PKD1: variants seen among roughly 807,000 people sequenced by gnomAD.
PKD1 encodes the protein polycystin-1.
A neutral mutation model predicts 361.7 loss-of-function variants in PKD1; 81 were observed. The ratio of observed to expected loss-of-function variants is 0.22; its 90% confidence interval spans 0.19 to 0.27. The LOEUF (loss-of-function observed/expected upper bound fraction) is 0.27. PKD1 is among the 10% of genes least tolerant of loss of function. PKD1 has a pLI of 1.00. For missense variants in PKD1, 6,399 were observed against 6,118.3 expected (o/e 1.05, Z -1.53); for synonymous variants, 3,615 against 2,818.3 (o/e 1.28, Z -8.95).
In PKD1 at chr16:2,109,030, A is replaced by C. The variant is rs1168430714; in HGVS notation, c.6137T>G (p.Leu2046Arg). Residue 2046 changes from leucine (L) to arginine (R), a missense_variant, in exon 15 of 46, where the codon CTG (leucine) becomes CGG (arginine). Physicochemically the swap from Leu to Arg is moderately radical, Grantham distance 102. Coordinates refer to ENST00000262304, the MANE Select transcript of PKD1 (RefSeq NM_001009944.3). ...CACCAGCGTGCGGTTCTCACTGCCC[A>C]GGGCGTTGAAGGCGCGCACCTGGAT... ...LEIQVRAFNA[L>R]GSENRTLVLE... The C allele has an allele frequency of 2.5e-6, 4 of 1,608,876 alleles. No homozygotes were observed. Among genetic ancestry groups the C allele is most frequent in the South Asian group, 1.1e-5 (1 of 91,004 alleles).
At position 2,091,110 on chromosome 16, in the gene PKD1, C is replaced by T. The variant is rs1477132304; in HGVS notation, c.11777G>A (p.Gly3926Glu). Residue 3926 changes from glycine to glutamate, a missense_variant, in exon 43 of 46, where the codon GGG becomes GAG. Physicochemically the swap from Gly to Glu is moderately conservative, Grantham distance 98 (BLOSUM62 -2). Transcript: ENST00000262304. ...TCCGAGCCGCAGCACGCGCCAGCGC[C>T]CTTCCCTGTGCCAAGTACGGGCCTC... ...VAEARTWHREGRWRVLRLGAW... is the reference protein window; with the variant it reads ...VAEARTWHREERWRVLRLGAW... The T allele has an allele frequency of 6.7e-7, 1 of 1,494,752 alleles. No individual in the cohort carries two copies. The allele number at this position is 1,494,752 out of a possible 1,614,324, so 92.6% of individuals were successfully genotyped here. A position where few individuals can be genotyped will look rare whatever the true frequency, so the allele number is the denominator to read the frequency against.
chr16:2,103,184 C>T, intron 23 of PKD1, 82 bp downstream of exon 23: 1 of 1,435,098 alleles, frequency 7.0e-7, no homozygotes, highest in Non-Finnish European at 9.6e-7. Flanking sequence ...TCACCAGAGA[C>T]ACCCATGGAA....
rs561467860 is a variant in PKD1, at chr16:2,116,882, G to A, written c.1557C>T (p.Thr519=). ...VRLGPTGWCN[T]DLCSAPHSYV... is the part of the protein sequence containing the mutation. ...AGCTGTGCGGCGCTGAGCACAGGTC[G>A]GTGTTACACCACCCGGTGGGCCCGA... The change falls in exon 7 of 46, where the codon ACC becomes ACT. Residue 519 remains threonine (T), a synonymous_variant. Coordinates refer to ENST00000262304, the MANE Select transcript of PKD1 (RefSeq NM_001009944.3). 176 of 1,531,962 alleles carry A rather than the reference G, an allele frequency of 1.1e-4. No individual in the cohort carries two copies. The Middle Eastern group carries it at 2.5e-3, about 22-fold the overall frequency. 94.9% of individuals were successfully genotyped at this position (1,531,962 alleles called of 1,614,324 possible). A position where few individuals can be genotyped will look rare whatever the true frequency, so the allele number is the denominator to read the frequency against.
chr16:2,115,910 G>C, intron 9 of PKD1, 82 bp downstream of exon 9: 1 of 1,461,474 alleles, frequency 6.8e-7, no homozygotes, highest in Non-Finnish European at 9.4e-7. Context: ...GTGGCCACAG[G>C]ACCAGCAGAC....
At chr16:2,114,974 G>T (rs979458963) in intron 10 of PKD1, 49 bp from the exon 11 acceptor site, 3 of 1,522,388 alleles carry the variant, frequency 2.0e-6, no homozygotes, top group Non-Finnish European at 2.6e-6. Flanking sequence ...GTCATGGCCC[G>T]TGGACCCCCG....
chr16:2,115,864 C>T, intron 9 of PKD1, 128 bp downstream of exon 9: 2 of 1,148,604 alleles, frequency 1.7e-6, no homozygotes, highest in South Asian at 1.4e-5. Context: ...TCTCTGGAAC[C>T]CCTGCTCTGT....
chr16:2,122,180 C>T (rs1023343689), intron 1 of PKD1, among the ~76,000 whole-genome samples: 4 of 152,246 alleles, frequency 2.6e-5, no homozygotes, highest in Admixed American at 6.5e-5. Flanking sequence ...CAGCCACGGA[C>T]GGTGGAGCCA....
intron 21 of PKD1, 25 bp downstream of exon 21, chr16:2,105,297 G>A: frequency 6.3e-7 from 1 of 1,592,950 alleles, no homozygotes; most frequent in Non-Finnish European, 8.5e-7. Flanking sequence ...ATGCGGGGCA[G>A]GGTGAGCAGG....
intron 9 of PKD1, 96 bp downstream of exon 9, chr16:2,115,896 T>C: frequency 7.2e-7 from 1 of 1,387,286 alleles, no homozygotes; most frequent in Non-Finnish European, 1.0e-6. Context: ...TGGGAACCAC[T>C]CTGGTGGCCA....
rs535399366 is a variant in PKD1 at position 2,117,546 on chromosome 16, G to C, written c.1328C>G (p.Ala443Gly). ...QEQCQAWAGA[A>G]LAMVDSPAVQ... Reference sequence around the variant, plus strand: ...GGCGGGACTGTCCACCATTGCCAGGGCGGCCCCGGCCCAGGCCTGACACTG... The same window carrying C: ...GGCGGGACTGTCCACCATTGCCAGGCCGGCCCCGGCCCAGGCCTGACACTG... Residue 443 changes from alanine (A) to glycine (G), a missense_variant, in exon 6 of 46, where the codon GCC becomes GGC. By Grantham distance (60) the Ala-to-Gly change is moderately conservative. Transcript: ENST00000262304. 1 of 1,599,382 alleles carries C rather than the reference G, an allele frequency of 6.3e-7. No individual in the cohort carries two copies. Among genetic ancestry groups the C allele is most frequent in the African/African-American group, 1.3e-5 (1 of 74,604 alleles).
At chr16:2,095,322 A>G (rs908894207) in intron 34 of PKD1, 3 of 152,220 alleles carry the variant, frequency 2.0e-5, no homozygotes, top group Non-Finnish European at 4.4e-5. Flanking sequence ...GCTGAGGCAG[A>G]TAACTGCTTG....
rs1401426859 is a variant in PKD1 at position 2,102,218 on chromosome 16, T to C, written c.9240A>G (p.Thr3080=). ...TGTAGGTCACCAGGCACACAGCACA[T>C]GTCAGCATGACGATGTAGTTTACAT... The part of the protein sequence containing the change: ...TADVNYIVML[T]CAVCLVTYMV... Residue 3080 remains threonine, a synonymous_variant, in exon 26 of 46, where the codon ACA becomes ACG. Transcript: ENST00000262304. 4.6e-6 allele frequency: 7 copies of C among 1,529,348 alleles called. No homozygotes were observed. Among genetic ancestry groups the C allele is most frequent in the South Asian group, 4.5e-5 (4 of 89,150 alleles). The allele number at this position is 1,529,348 out of a possible 1,614,324, so 94.7% of individuals were successfully genotyped here.
intron 1 of PKD1, among the ~76,000 whole-genome samples, chr16:2,127,433 G>T (rs1441175886): frequency 3.3e-5 from 5 of 152,236 alleles, no homozygotes; most frequent in African/African-American, 1.2e-4. Flanking sequence ...AGGCACCGAG[G>T]CTGGGTGCTG....
intron 1 of PKD1, among the ~76,000 whole-genome samples, chr16:2,129,312 C>A (rs970648119): frequency 6.6e-6 from 1 of 151,310 alleles, no homozygotes; most frequent in Admixed American, 6.6e-5. Context: ...GGCGCCACCA[C>A]TAATATCTAT....
intron 1 of PKD1, among the ~76,000 whole-genome samples, chr16:2,122,857 C>T (rs2092743485): frequency 6.6e-6 from 1 of 152,178 alleles, no homozygotes; most frequent in Non-Finnish European, 1.5e-5. Context: ...TGAAACTGCC[C>T]CAGGGAGGGG....
chr16:2,096,136 G>A (rs568622171), intron 34 of PKD1, among the ~76,000 whole-genome samples: 3 of 152,232 alleles, frequency 2.0e-5, no homozygotes, highest in African/African-American at 7.2e-5. Flanking sequence ...TTAGTGCCAG[G>A]GATGTGTTCT....
At chr16:2,098,256 T>A (rs1334433728) in intron 30 of PKD1, 13 of 520,626 alleles carry the variant, frequency 2.5e-5, no homozygotes, top group Non-Finnish European at 2.8e-5. Flanking sequence ...TCACCCAGGC[T>A]GGAGTGCAAT....
At position 2,103,723 on chromosome 16, in the gene PKD1, G is replaced by T; in HGVS notation, c.8334C>A (p.Gly2778=). 6.2e-7 allele frequency: 1 copy of T among 1,609,970 alleles called. No individual in the cohort carries two copies. The highest frequency in any genetic ancestry group is 8.5e-7 in the Non-Finnish European group (1 of 1,179,572). Residue 2778 remains glycine, a synonymous_variant, in exon 23 of 46, where the codon GGC becomes GGA. Transcript: ENST00000262304. ...GCTTGCCCTGGGCCACGATCTCCTC[G>T]CCCGCCAGCGTCAGGGGCTCCTCGT... is the stretch of plus-strand genomic sequence containing the variant. ...VLNEEPLTLA[G]EEIVAQGKRS... is the part of the protein sequence containing the mutation.
At chr16:2,107,174 ACTGGACCCAG>A (rs1295490302) in intron 16 of PKD1, 1 of 609,692 alleles carries the variant, frequency 1.6e-6, no homozygotes, top group African/African-American at 1.8e-5. Flanking sequence ...GTTCTGGTGT[ACTGGACCCAG>A]CTGGACCCTA....
Sources: gnomAD v4.1 joint callset for allele counts (sites outside exome capture counted in the v4.1 genomes callset) on GRCh38, gnomAD v4.1.1 for gene constraint, MANE v1.5 for transcripts, NCBI Gene and HGNC (gene_info 2026-07-23, HGNC 2026-07-21) for gene names.